Variants in PTK2 observed in about 807,000 individuals in gnomAD.
The protein encoded by PTK2 is focal adhesion kinase 1.
PTK2 carries 45 observed loss-of-function variants against 150.1 expected under a neutral mutation model. The observed-to-expected ratio is 0.30, with a 90% CI of 0.24 to 0.38. The LOEUF is 0.38. PTK2 is among the 10% of genes least tolerant of loss of function. PTK2 has a pLI of 1.00. For synonymous variants in PTK2, 432 were observed against 449.2 expected (o/e 0.96, Z 0.48); for missense variants, 919 against 1,307.3 (o/e 0.70, Z 4.58).
At chr8:140,938,981 A>AT (rs5895651) in intron 1 of PTK2, among the ~76,000 whole-genome samples, 61,858 of 149,060 alleles carry the variant, frequency 0.41, 14,483 homozygotes, top group Non-Finnish European at 0.54. Flanking sequence ...CATTCTCAGT[A>AT]TTTTTTTTTT....
At position 140,674,441 on chromosome 8, in the gene PTK2, G is replaced by A. The variant is rs1473928905; in HGVS notation, c.2603-37C>T. 11 of 1,531,826 alleles carry A rather than the reference G, an allele frequency of 7.2e-6. No individual in the cohort carries two copies. The East Asian group carries it at 9.6e-5, about 13-fold the overall frequency. 94.9% of individuals were successfully genotyped at this position (1,531,826 alleles called of 1,614,324 possible). The stretch of plus-strand genomic sequence containing the variant: ...GAATGATTCCCATTAAGTCATGTGC[G>A]TTAAGAAAGATTAAGAGGCTGGGGG... On this transcript the variant is annotated intron_variant, in intron 28 of 31. Transcript: ENST00000522684.
At chr8:140,862,585 C>T (rs2100136883) in intron 5 of PTK2, among the ~76,000 whole-genome samples, 1 of 152,176 alleles carries the variant, frequency 6.6e-6, no homozygotes, top group East Asian at 1.9e-4. Flanking sequence ...AAACCCTGGG[C>T]CATGGATCAG....
At chr8:140,697,496 A>C (rs139466742) in intron 26 of PTK2, among the ~76,000 whole-genome samples, 2,228 of 151,350 alleles carry the variant, frequency 0.015, 59 homozygotes, top group African/African-American at 0.05. Context: ...GCTGGAGTGC[A>C]GTGGCACGAT....
chr8:140,846,737 G>T, intron 5 of PTK2, 59 bp from the exon 6 acceptor site: 1 of 1,215,136 alleles, frequency 8.2e-7, no homozygotes, highest in Non-Finnish European at 1.2e-6. Flanking sequence ...TTAGATATAT[G>T]CATTCAATAA....
At chr8:140,820,076 GTTTTTTTTTTTTTT>G (rs370537018) in intron 8 of PTK2, among the ~76,000 whole-genome samples, 82 of 50,248 alleles carry the variant, frequency 1.6e-3, no homozygotes, top group Non-Finnish European at 2.5e-3. Flanking sequence ...TCTGACTTTG[GTTTTTTTTTTTTTT>G]TTTTTTTTTT....
At position 140,691,025 on chromosome 8, in the gene PTK2, T is replaced by C. The variant is rs187522822; in HGVS notation, c.2500-4331A>G. Among the ~76,000 whole-genome samples, 517 of 152,308 alleles carry C rather than the reference T, an allele frequency of 3.4e-3. 10 individuals carry two copies. Among genetic ancestry groups the C allele is most frequent in the East Asian group, 2.5e-3 (13 of 5,190 alleles). ...TAATATTTGCAAAGTACTAAGTTGG[T>C]GCCACACAAGAGTTAAAATAAATAG... On this transcript the variant is annotated intron_variant, in intron 26 of 31. Transcript: ENST00000522684.
chr8:140,710,557 G>A (rs1360979096), intron 23 of PTK2, among the ~76,000 whole-genome samples: 2 of 152,002 alleles, frequency 1.3e-5, no homozygotes, highest in Non-Finnish European at 2.9e-5. Flanking sequence ...TGTAATCCCA[G>A]CTACTTGGGA....
intron 27 of PTK2, among the ~76,000 whole-genome samples, chr8:140,682,821 C>T (rs1775768112): frequency 6.6e-6 from 1 of 152,066 alleles, no homozygotes; most frequent in Non-Finnish European, 1.5e-5. Flanking sequence ...AAAGATACAA[C>T]ACACTAGAAT....
intron 4 of PTK2, among the ~76,000 whole-genome samples, chr8:140,877,847 GAAC>G (rs1449810317): frequency 3.3e-5 from 5 of 151,974 alleles, no homozygotes; most frequent in African/African-American, 9.7e-5. Flanking sequence ...TGGCTTAAAA[GAAC>G]AACAACAATC....
At chr8:140,674,679 C>T (rs570892607) in intron 28 of PTK2, among the ~76,000 whole-genome samples, 13 of 151,642 alleles carry the variant, frequency 8.6e-5, no homozygotes, top group East Asian at 3.9e-4. Flanking sequence ...GTGGAGGTTG[C>T]GGTGAGTTGA....
At chr8:140,947,057 A>C (rs527718775) in intron 1 of PTK2, among the ~76,000 whole-genome samples, 4 of 152,316 alleles carry the variant, frequency 2.6e-5, no homozygotes, top group Non-Finnish European at 5.9e-5. Context: ...GCACCAGACA[A>C]AACATCATTA....
chr8:140,911,736 A>AGAT (rs1568708354), intron 2 of PTK2, among the ~76,000 whole-genome samples: 3 of 151,518 alleles, frequency 2.0e-5, no homozygotes, highest in Non-Finnish European at 3.0e-5. Flanking sequence ...TGCTATCACT[A>AGAT]TAATGTTTTT....
At chr8:140,875,442 T>A (rs1393784063) in intron 4 of PTK2, among the ~76,000 whole-genome samples, 1 of 151,992 alleles carries the variant, frequency 6.6e-6, no homozygotes, top group African/African-American at 2.4e-5. Flanking sequence ...GAAGGAAAAC[T>A]GAAATCAAAA....
intron 14 of PTK2, among the ~76,000 whole-genome samples, chr8:140,785,322 C>T (rs1319117882): frequency 6.6e-6 from 1 of 152,204 alleles, no homozygotes; most frequent in Non-Finnish European, 1.5e-5. Flanking sequence ...AAAACAATTA[C>T]AAAACTTATA....
chr8:140,800,398 G>T, intron 12 of PTK2, 61 bp downstream of exon 12: 1 of 1,325,864 alleles, frequency 7.5e-7, no homozygotes, highest in Non-Finnish European at 1.1e-6. Flanking sequence ...GCTGTTAGGG[G>T]CAAGCACAGC....
chr8:140,716,335 C>G (rs1343768358), intron 23 of PTK2, among the ~76,000 whole-genome samples: 4 of 152,160 alleles, frequency 2.6e-5, no homozygotes, highest in African/African-American at 9.7e-5. Context: ...TGAAGGGCCT[C>G]AGATGCTGGG....
intron 1 of PTK2, among the ~76,000 whole-genome samples, chr8:140,961,410 C>A (rs1276379120): frequency 1.3e-5 from 2 of 152,120 alleles, no homozygotes; most frequent in African/African-American, 4.8e-5. Flanking sequence ...ACCTGTAATC[C>A]CAGCACTTTT....
chr8:140,724,849 G>A (rs979366456), intron 22 of PTK2, among the ~76,000 whole-genome samples: 3 of 152,218 alleles, frequency 2.0e-5, no homozygotes, highest in African/African-American at 7.2e-5. Flanking sequence ...TGAAGCTAGG[G>A]ATGGCATACC....
chr8:140,863,237 C>T (rs1001365441), intron 5 of PTK2, among the ~76,000 whole-genome samples: 3 of 152,114 alleles, frequency 2.0e-5, no homozygotes. Context: ...AATCCATCCA[C>T]TAAATTTGCT....
Sources: allele counts gnomAD v4.1 joint callset (sites outside exome capture counted in the v4.1 genomes callset), GRCh38; gene constraint gnomAD v4.1.1; transcripts MANE v1.5; gene names NCBI Gene and HGNC (gene_info 2026-07-23, HGNC 2026-07-21).